Variants in NCKAP5 observed in about 807,000 individuals in gnomAD.
NCKAP5 encodes the protein NCK associated protein 5, also known as nck-associated protein 5.
In NCKAP5, 92 loss-of-function variants were observed where a neutral mutation model predicts 167.0. That is an observed-to-expected ratio of 0.55 (90% CI 0.47 to 0.66). The LOEUF is 0.66. Ranked by LOEUF, NCKAP5 falls within the 30% of genes least tolerant of loss-of-function variation. NCKAP5 has a pLI of 0.00. For missense variants in NCKAP5, 2,378 were observed against 2,315.0 expected (o/e 1.03, Z -0.56); for synonymous variants, 891 against 877.4 (o/e 1.02, Z -0.27).
chr2:132,965,581 A>G (rs2076635285), intron 7 of NCKAP5, among the ~76,000 whole-genome samples: 1 of 152,192 alleles, frequency 6.6e-6, no homozygotes, highest in Non-Finnish European at 1.5e-5. Context: ...ATACATATGT[A>G]TATATGCACA....
At chr2:132,869,031 A>G in intron 9 of NCKAP5, 57 bp from the exon 10 acceptor site, 2 of 1,237,936 alleles carry the variant, frequency 1.6e-6, no homozygotes, top group Non-Finnish European at 2.2e-6. Context: ...ATATGCACCG[A>G]CTCTAATTTA....
intron 15 of NCKAP5, among the ~76,000 whole-genome samples, chr2:132,775,773 T>C (rs1167207180): frequency 1.3e-5 from 2 of 152,234 alleles, no homozygotes; most frequent in Non-Finnish European, 2.9e-5. Flanking sequence ...TTTTATCCTC[T>C]TTTATAGAAC....
intron 3 of NCKAP5, among the ~76,000 whole-genome samples, chr2:133,346,929 C>T (rs1684017642): frequency 1.3e-5 from 2 of 152,212 alleles, no homozygotes; most frequent in South Asian, 2.1e-4. Flanking sequence ...CAAGTACAAA[C>T]TGTTTTCTTA....
At chr2:132,816,766 T>C (rs913586510) in intron 11 of NCKAP5, among the ~76,000 whole-genome samples, 3 of 152,172 alleles carry the variant, frequency 2.0e-5, no homozygotes, top group Non-Finnish European at 4.4e-5. Flanking sequence ...GACCAGCTCT[T>C]AGCAAAACCC....
chr2:132,957,874 G>A lies in NCKAP5; in HGVS notation c.579+5846C>T, dbSNP rs572002960. 6.6e-5 allele frequency among the ~76,000 whole-genome samples: 10 copies of A among 152,132 alleles called. No individual in the cohort carries two copies. In the East Asian group the frequency reaches 1.9e-3, roughly 29 times the overall value. ...GAATCTAGACAGGCAGGCCTCACAG[G>A]GTTTCCACACTCAGTCTATTACCAT... On this transcript the variant is annotated intron_variant, in intron 8 of 19. Coordinates refer to ENST00000409261, the MANE Select transcript of NCKAP5 (RefSeq NM_207363.3).
intron 5 of NCKAP5, among the ~76,000 whole-genome samples, chr2:133,211,389 C>T (rs1258566895): frequency 2.0e-5 from 3 of 152,044 alleles, no homozygotes; most frequent in Non-Finnish European, 4.4e-5. Context: ...CACCACCACG[C>T]CTGGCTAATT....
intron 11 of NCKAP5, among the ~76,000 whole-genome samples, chr2:132,804,924 A>G (rs1685317555): frequency 2.0e-5 from 3 of 151,842 alleles, no homozygotes; most frequent in Admixed American, 1.3e-4. Flanking sequence ...TGCTTTTTCT[A>G]TGAAGGGAGG....
intron 19 of NCKAP5, among the ~76,000 whole-genome samples, chr2:132,691,303 C>T (rs1686695694): frequency 1.3e-5 from 2 of 152,092 alleles, no homozygotes; most frequent in Admixed American, 6.6e-5. Context: ...TCAGGTCATC[C>T]CACTCCCCTG....
intron 19 of NCKAP5, among the ~76,000 whole-genome samples, chr2:132,703,040 G>C (rs748607403): frequency 2.6e-5 from 4 of 152,012 alleles, no homozygotes; most frequent in Admixed American, 1.3e-4. Context: ...AATTAGCCAG[G>C]TGTAAGGGTA....
intron 3 of NCKAP5, among the ~76,000 whole-genome samples, chr2:133,397,037 C>T (rs1687774062): frequency 2.0e-5 from 3 of 152,206 alleles, no homozygotes; most frequent in Admixed American, 6.5e-5. Flanking sequence ...TTGCACATTA[C>T]ACCCAACTGG....
chr2:133,028,670 C>T lies in NCKAP5; in HGVS notation c.342-34431G>A, dbSNP rs77435648. ...AAGGCAACTGCTTTAACAACAAAAC[C>T]TTTTTAATTTCTTTTTAGATTTTGA... On this transcript the variant is annotated intron_variant, in intron 6 of 19. Transcript: ENST00000409261. 4.3e-4 allele frequency among the ~76,000 whole-genome samples: 65 copies of T among 152,254 alleles called. No homozygotes were observed. In the East Asian group the frequency reaches 0.013, roughly 29 times the overall value.
At chr2:133,294,869 T>C (rs780279212) in intron 4 of NCKAP5, among the ~76,000 whole-genome samples, 11 of 152,338 alleles carry the variant, frequency 7.2e-5, no homozygotes, top group Middle Eastern at 6.8e-3. Flanking sequence ...TTTTTTTTGC[T>C]AGAAGGGATG....
At chr2:133,263,243 CA>C (rs1173241181) in intron 4 of NCKAP5, among the ~76,000 whole-genome samples, 4 of 146,144 alleles carry the variant, frequency 2.7e-5, no homozygotes, top group Admixed American at 6.8e-5. Context: ...CCAGGAATGC[CA>C]AATACAGAGT....
Position 133,324,488 on chromosome 2 carries a change from T to C in NCKAP5, c.70-21378A>G, listed in dbSNP as rs184036051. Among the ~76,000 whole-genome samples, 565 of 152,332 alleles carry C rather than the reference T, an allele frequency of 3.7e-3. 4 individuals carry two copies. The highest frequency in any genetic ancestry group is 0.012 in the African/African-American group (507 of 41,566). ...AGACTTTGGGAAACCTCAGCCTCTC[T>C]TTGGCCTCTGCAGTTGTGAGGCCGG... On this transcript the variant is annotated intron_variant, in intron 3 of 19. Transcript: ENST00000409261.
chr2:132,928,802 A>C (rs552138778), intron 8 of NCKAP5, among the ~76,000 whole-genome samples: 1 of 152,170 alleles, frequency 6.6e-6, no homozygotes, highest in South Asian at 2.1e-4. Flanking sequence ...ATGAATTTCA[A>C]TGTCTAAGAT....
Position 133,548,043 on chromosome 2 carries a change from G to A in NCKAP5, c.-62+11007C>T, listed in dbSNP as rs1686904798. Reference sequence around the variant, plus strand: ...CAGAGAAGTGCTTAAAGGAGCTGATGGAGGTGAAAACCAAGGCTTGAGAAC... The same window carrying A: ...CAGAGAAGTGCTTAAAGGAGCTGATAGAGGTGAAAACCAAGGCTTGAGAAC... On this transcript the variant is annotated intron_variant, in intron 2 of 19. Coordinates refer to ENST00000409261, the MANE Select transcript of NCKAP5 (RefSeq NM_207363.3). Among the ~76,000 whole-genome samples, 6 of 145,594 alleles carry A rather than the reference G, an allele frequency of 4.1e-5. 1 individual carries two copies. The South Asian group carries it at 1.3e-3, about 32-fold the overall frequency.
At chr2:133,249,706 C>T (rs187885058) in intron 4 of NCKAP5, among the ~76,000 whole-genome samples, 262 of 152,216 alleles carry the variant, frequency 1.7e-3, no homozygotes, top group Middle Eastern at 3.4e-3. Flanking sequence ...TCTATGTCTA[C>T]GAAGCTGACA....
chr2:133,536,506 T>TTG (rs1243908020), intron 2 of NCKAP5, among the ~76,000 whole-genome samples: 4 of 152,132 alleles, frequency 2.6e-5, no homozygotes, highest in African/African-American at 9.6e-5. Context: ...GTGTCTGTTT[T>TTG]TGTACCAGTA....
At chr2:132,785,948 C>A (rs971599317) in intron 13 of NCKAP5, among the ~76,000 whole-genome samples, 1 of 152,156 alleles carries the variant, frequency 6.6e-6, no homozygotes, top group African/African-American at 2.4e-5. Flanking sequence ...AAGGTAAAGG[C>A]CCTGTCTTCA....
Sources: allele counts gnomAD v4.1 joint callset (sites outside exome capture counted in the v4.1 genomes callset), GRCh38; gene constraint gnomAD v4.1.1; transcripts MANE v1.5; gene names NCBI Gene and HGNC (gene_info 2026-07-23, HGNC 2026-07-21).